The following TRDN variants were observed in gnomAD, a reference collection of about 807,000 sequenced individuals.
The protein encoded by TRDN is triadin in skeletal muscle.
A neutral mutation model predicts 149.7 loss-of-function variants in TRDN; 161 were observed. That is an observed-to-expected ratio of 1.08 (90% CI 0.95 to 1.23). The LOEUF (loss-of-function observed/expected upper bound fraction) is 1.23, where lower values mean the gene tolerates loss of function less well. Among genes scored for constraint, TRDN ranks in the 50% most tolerant of loss-of-function variants. The pLI is 0.00. For missense variants in TRDN, 896 were observed against 823.5 expected (o/e 1.09, Z -1.08); for synonymous variants, 294 against 250.5 (o/e 1.17, Z -1.64).
intron 1 of TRDN, among the ~76,000 whole-genome samples, chr6:123,620,847 G>A (rs561727884): frequency 2.0e-4 from 30 of 152,152 alleles, no homozygotes; most frequent in Admixed American, 1.4e-3. Context: ...TTCTAATAAA[G>A]CCAGCAAGTC....
intron 24 of TRDN, among the ~76,000 whole-genome samples, chr6:123,304,588 A>C (rs1778543118): frequency 6.6e-6 from 1 of 152,086 alleles, no homozygotes; most frequent in Non-Finnish European, 1.5e-5. Context: ...AAGTGATTGC[A>C]TATTACTTAT....
At chr6:123,495,000 C>T (rs547519740) in intron 9 of TRDN, among the ~76,000 whole-genome samples, 7 of 152,056 alleles carry the variant, frequency 4.6e-5, no homozygotes, top group Admixed American at 4.6e-4. Context: ...TCCCAAAATG[C>T]TTGCATTATA....
At chr6:123,323,655 G>A (rs1289313173) in intron 23 of TRDN, among the ~76,000 whole-genome samples, 2 of 152,170 alleles carry the variant, frequency 1.3e-5, no homozygotes, top group Non-Finnish European at 2.9e-5. Context: ...AAACTTTGCT[G>A]AGTGGACATT....
At chr6:123,320,204 AAAT>A (rs200725885) in intron 23 of TRDN, among the ~76,000 whole-genome samples, 1 of 143,722 alleles carries the variant, frequency 7.0e-6, no homozygotes, top group Non-Finnish European at 1.5e-5. Context: ...GAATAAAATA[AAAT>A]AATAATCATT....
chr6:123,560,942 C>A (rs1208805319), intron 2 of TRDN, among the ~76,000 whole-genome samples: 1 of 152,190 alleles, frequency 6.6e-6, no homozygotes, highest in African/African-American at 2.4e-5. Flanking sequence ...TTCTACTACT[C>A]CTCAGGGATT....
intron 1 of TRDN, among the ~76,000 whole-genome samples, chr6:123,593,797 T>G (rs1302961789): frequency 2.6e-5 from 4 of 152,214 alleles, no homozygotes; most frequent in African/African-American, 7.2e-5. Flanking sequence ...AACATAAGGT[T>G]GTGGGAAGAT....
At chr6:123,488,212 T>A (rs1778055538) in intron 9 of TRDN, among the ~76,000 whole-genome samples, 1 of 152,210 alleles carries the variant, frequency 6.6e-6, no homozygotes, top group African/African-American at 2.4e-5. Flanking sequence ...TTAGAAGTGC[T>A]GTGAATTATC....
chr6:123,279,635 T>G (rs1181689200), intron 24 of TRDN, among the ~76,000 whole-genome samples: 2 of 152,042 alleles, frequency 1.3e-5, no homozygotes, highest in African/African-American at 4.8e-5. Context: ...CACTCCCACT[T>G]CATCATTAAT....
chr6:123,580,104 T>C (rs1783047889), intron 1 of TRDN, among the ~76,000 whole-genome samples: 1 of 152,164 alleles, frequency 6.6e-6, no homozygotes, highest in Non-Finnish European at 1.5e-5. Context: ...TGTATATCAA[T>C]TAATAATAGA....
chr6:123,503,186 T>G, intron 8 of TRDN: 1 of 984,994 alleles, frequency 1.0e-6, no homozygotes, highest in Non-Finnish European at 1.2e-6. Context: ...GAGAACTGTC[T>G]TCTCTATAAC....
At chr6:123,382,623 C>T (rs907761778) in intron 14 of TRDN, among the ~76,000 whole-genome samples, 1 of 151,762 alleles carries the variant, frequency 6.6e-6, no homozygotes, top group Non-Finnish European at 1.5e-5. Context: ...AATACACTTC[C>T]AATATAGATA....
At chr6:123,301,284 T>C (rs747564556) in intron 24 of TRDN, among the ~76,000 whole-genome samples, 1 of 152,036 alleles carries the variant, frequency 6.6e-6, no homozygotes, top group Non-Finnish European at 1.5e-5. Flanking sequence ...AAGAGGAATA[T>C]ACACTGCTTT....
intron 9 of TRDN, among the ~76,000 whole-genome samples, chr6:123,467,776 A>G (rs1776920362): frequency 1.3e-5 from 2 of 152,128 alleles, no homozygotes; most frequent in Admixed American, 1.3e-4. Flanking sequence ...AATACATTAT[A>G]TAACATATAT....
At chr6:123,451,626 A>C (rs1775782325) in intron 10 of TRDN, among the ~76,000 whole-genome samples, 1 of 152,078 alleles carries the variant, frequency 6.6e-6, no homozygotes, top group Non-Finnish European at 1.5e-5. Context: ...CCAACAAAAA[A>C]AAGTCCAGGA....
intron 12 of TRDN, among the ~76,000 whole-genome samples, chr6:123,394,456 T>C (rs1034063481): frequency 7.2e-5 from 11 of 152,178 alleles, no homozygotes; most frequent in Admixed American, 2.6e-4. Context: ...TATTGAATTA[T>C]TATTTAATAA....
chr6:123,398,758 C>T (rs1424008446), intron 12 of TRDN, among the ~76,000 whole-genome samples: 1 of 152,138 alleles, frequency 6.6e-6, no homozygotes, highest in Non-Finnish European at 1.5e-5. Context: ...AGCCTTTGGC[C>T]ATCCTGTGTG....
At chr6:123,380,276 A>C (rs1315095612) in intron 16 of TRDN, among the ~76,000 whole-genome samples, 1 of 152,230 alleles carries the variant, frequency 6.6e-6, no homozygotes, top group Non-Finnish European at 1.5e-5. Context: ...CAGTGTGTGC[A>C]GGAACTTTTA....
At chr6:123,548,692 T>C (rs1781241782) in intron 2 of TRDN, 80 bp from the exon 3 acceptor site, 2 of 1,160,286 alleles carry the variant, frequency 1.7e-6, no homozygotes, top group African/African-American at 3.2e-5. Flanking sequence ...TTTTTACTGA[T>C]TTGTTGTTTT....
intron 7 of TRDN, among the ~76,000 whole-genome samples, chr6:123,511,594 AT>A (rs1779185051): frequency 6.6e-6 from 1 of 152,146 alleles, no homozygotes; most frequent in Non-Finnish European, 1.5e-5. Flanking sequence ...TAGTTTTTTT[AT>A]TGCTGTGGTA....
Sources: allele counts gnomAD v4.1 joint callset (sites outside exome capture counted in the v4.1 genomes callset), GRCh38; gene constraint gnomAD v4.1.1; transcripts MANE v1.5; gene names NCBI Gene and HGNC (gene_info 2026-07-23, HGNC 2026-07-21).